The following DNAH1 variants were observed in gnomAD, a reference collection of about 807,000 sequenced individuals.
DNAH1 encodes the protein dynein axonemal heavy chain 1, also known as axonemal beta dynein heavy chain 1.
DNAH1 carries 327 observed loss-of-function variants against 484.3 expected under a neutral mutation model. That is an observed-to-expected ratio of 0.68 (90% confidence interval 0.62 to 0.74). The LOEUF (loss-of-function observed/expected upper bound fraction) is 0.74. Among genes scored for constraint, DNAH1 ranks in the 30% least tolerant of loss-of-function variants. DNAH1 has a pLI of 0.00. For missense variants in DNAH1, 5,052 were observed against 5,546.8 expected, an observed-to-expected ratio of 0.91 and a Z score of 2.83; for synonymous variants, 2,192 against 2,191.9, an observed-to-expected ratio of 1.00 and a Z score of 0.00.
rs1329410428 is a variant in DNAH1, at chr3:52,317,441, C to T, written c.-35+896C>T. Among the ~76,000 whole-genome samples the T allele has an allele frequency of 2.6e-5, 4 of 152,188 alleles. No homozygotes were observed. In the East Asian group the frequency reaches 7.7e-4, roughly 29 times the overall value. The stretch of plus-strand genomic sequence containing the variant: ...CAAGCCCCAGGAGAACCAGAACCCA[C>T]CTTTTCCTCAGTGCCCTGACCAGCT... On this transcript the variant is annotated intron_variant, in intron 1 of 77. Coordinates refer to ENST00000420323, the MANE Select transcript of DNAH1 (RefSeq NM_015512.5).
At position 52,393,328 on chromosome 3, in the gene DNAH1, C is replaced by G; in HGVS notation, c.10475-6C>G. On this transcript the variant is annotated splice_polypyrimidine_tract_variant and splice_region_variant and intron_variant, in intron 65 of 77. Coordinates refer to ENST00000420323, the MANE Select transcript of DNAH1 (RefSeq NM_015512.5). Reference sequence around the variant, plus strand: ...TCCGCGCTGCCATCACTTCTCCACTCCACAGACAACCTGAAGAAGCGCATC... The same window carrying G: ...TCCGCGCTGCCATCACTTCTCCACTGCACAGACAACCTGAAGAAGCGCATC... 6.2e-7 allele frequency: 1 copy of G among 1,613,910 alleles called. No individual in the cohort carries two copies. The highest frequency in any genetic ancestry group is 8.5e-7 in the Non-Finnish European group (1 of 1,179,810).
At chr3:52,366,020 G>A (rs1416818613) in intron 34 of DNAH1, among the ~76,000 whole-genome samples, 1 of 152,208 alleles carries the variant, frequency 6.6e-6, no homozygotes, top group Admixed American at 6.5e-5. Context: ...ACCCCTGTGG[G>A]CCTGGCTTCT....
Position 52,363,049 on chromosome 3 carries a change from A to C in DNAH1, c.5149A>C (p.Ile1717Leu). 1 of 1,613,906 alleles carries C rather than the reference A, an allele frequency of 6.2e-7. No homozygotes were observed. The highest frequency in any genetic ancestry group is 8.5e-7 in the Non-Finnish European group (1 of 1,179,844). The change falls in exon 32 of 78, where the codon ATC becomes CTC. Residue 1717 changes from isoleucine to leucine, a missense_variant. By Grantham distance (5) the Ile-to-Leu change is conservative. This residue lies in a region of DNAH1 where 2,929 missense variants were observed against 3,409.4 expected (regional missense o/e 0.86). Coordinates refer to ENST00000420323, the MANE Select transcript of DNAH1 (RefSeq NM_015512.5). ...TCCAGATTACGCCATGATCACTGAG[A>C]TCTCCCTCTATTCCTTTGGCTTTAA... The part of the protein sequence containing the change: ...MVPDYAMITE[I>L]SLYSFGFNEA...
chr3:52,374,917 C>T, intron 44 of DNAH1: 1 of 859,180 alleles, frequency 1.2e-6, no homozygotes, highest in Non-Finnish European at 1.9e-6. Context: ...TGAAAACGTC[C>T]AGGGTTACTT....
chr3:52,361,646 TC>T lies in DNAH1; in HGVS notation c.4875-13del. 4 of 1,589,512 alleles carry T rather than the reference TC, an allele frequency of 2.5e-6. 1 individual carries two copies. The highest frequency in any genetic ancestry group is 3.4e-6 in the Non-Finnish European group (4 of 1,168,204). On this transcript the variant is annotated splice_polypyrimidine_tract_variant and intron_variant, in intron 29 of 77. Coordinates refer to ENST00000420323, the MANE Select transcript of DNAH1 (RefSeq NM_015512.5). The surrounding 1 kb of genome is among the most constrained non-coding windows in gnomAD (Gnocchi z 5.6). ...TGAACACATGTGCCCCATCCAATGT[TC>T]CGGCCTCACTCAGTGCTGGGGCCTG...
Position 52,391,339 on chromosome 3 carries a change from A to G in DNAH1, c.9891+11A>G. On this transcript the variant is annotated intron_variant, in intron 62 of 77. Transcript: ENST00000420323. ...GTGCTGCTCAAGCAGGTGGGTCTGC[A>G]GTGGTGATGGCAGGGTGGCAGTAGG... 1 of 1,604,182 alleles carries G rather than the reference A, an allele frequency of 6.2e-7. No homozygotes were observed. Among genetic ancestry groups the G allele is most frequent in the South Asian group, 1.1e-5 (1 of 89,562 alleles).
chr3:52,343,518 G>T (rs1334655306), intron 8 of DNAH1, among the ~76,000 whole-genome samples: 2 of 152,108 alleles, frequency 1.3e-5, no homozygotes, highest in African/African-American at 4.8e-5. Flanking sequence ...AGGTGAGAGA[G>T]AGTCTTTTCC....
chr3:52,325,558 C>T (rs995234636), intron 3 of DNAH1, among the ~76,000 whole-genome samples: 2 of 152,226 alleles, frequency 1.3e-5, no homozygotes, highest in Non-Finnish European at 2.9e-5. Flanking sequence ...CAATGGGTCT[C>T]TCCCCACCAA....
chr3:52,347,289 G>A (rs934413453), intron 11 of DNAH1, among the ~76,000 whole-genome samples: 3 of 152,144 alleles, frequency 2.0e-5, no homozygotes, highest in Non-Finnish European at 4.4e-5. Flanking sequence ...TAGGCCTGGC[G>A]CAGTTGAGGA....
In DNAH1 at chr3:52,396,446, A is replaced by G. The variant is rs1578207026; in HGVS notation, c.11338A>G (p.Lys3780Glu). 6.3e-7 allele frequency: 1 copy of G among 1,596,280 alleles called. No homozygotes were observed. The highest frequency in any genetic ancestry group is 8.5e-7 in the Non-Finnish European group (1 of 1,171,888). The part of the protein sequence containing the change: ...FPVSILQNGS[K>E]MTIEPPRGVR... ...AGTGTCCATCCTGCAGAACGGCTCC[A>G]AGATGACCATTGAGCCGCCACGCGG... Residue 3780 changes from lysine (K) to glutamate (E), a missense_variant, in exon 71 of 78, where the codon AAG becomes GAG. Transcript: ENST00000420323.
At chr3:52,347,559 G>C (rs1242599696) in intron 11 of DNAH1, among the ~76,000 whole-genome samples, 2 of 152,178 alleles carry the variant, frequency 1.3e-5, no homozygotes, top group Non-Finnish European at 2.9e-5. Context: ...CAATGCCTAG[G>C]CCCTGGCAAC....
In DNAH1 at chr3:52,353,116, C is replaced by T; in HGVS notation, c.3041C>T (p.Ser1014Phe). The part of the protein sequence containing the change: ...SLPITNYDKL[S>F]RMVKEFQPYL... Reference sequence around the variant, plus strand: ...CTGTCCCTGCAGTATGACAAGCTCTCCAGGATGGTGAAGGAGTTCCAACCC... The same window carrying T: ...CTGTCCCTGCAGTATGACAAGCTCTTCAGGATGGTGAAGGAGTTCCAACCC... Residue 1014 changes from serine (S) to phenylalanine (F), a missense_variant, in exon 19 of 78, where the codon TCC becomes TTC. By Grantham distance (155) the Ser-to-Phe change is radical. Coordinates refer to ENST00000420323, the MANE Select transcript of DNAH1 (RefSeq NM_015512.5). This position sits in a 1 kb window ranked among gnomAD's most constrained non-coding sequence, Gnocchi z 5.0. 1 of 1,613,402 alleles carries T rather than the reference C, an allele frequency of 6.2e-7. No individual in the cohort carries two copies. Among genetic ancestry groups the T allele is most frequent in the Non-Finnish European group, 8.5e-7 (1 of 1,179,594 alleles).
intron 54 of DNAH1, 53 bp downstream of exon 54, chr3:52,385,500 A>AC: frequency 5.5e-6 from 8 of 1,461,638 alleles, no homozygotes; most frequent in Non-Finnish European, 7.5e-6. Context: ...GAAGCTCGGC[A>AC]CCCCCACACA....
intron 75 of DNAH1, 143 bp from the exon 76 acceptor site, chr3:52,398,707 T>A: frequency 1.5e-6 from 1 of 668,068 alleles, no homozygotes; most frequent in South Asian, 2.5e-5. Context: ...CTGGGATTTG[T>A]ACCCAGGCCA....
intron 8 of DNAH1, among the ~76,000 whole-genome samples, chr3:52,339,091 T>C (rs1305724244): frequency 3.3e-5 from 5 of 152,174 alleles, no homozygotes; most frequent in African/African-American, 1.2e-4. Context: ...TCCATTCTTT[T>C]GTTTTTCTTC....
chr3:52,366,395 A>T, intron 34 of DNAH1, 62 bp from the exon 35 acceptor site: 2 of 1,360,346 alleles, frequency 1.5e-6, no homozygotes, highest in Non-Finnish European at 1.0e-6. Context: ...CACACAAGTT[A>T]GTGGTGTGGC....
intron 51 of DNAH1, 23 bp downstream of exon 51, chr3:52,383,617 T>C: frequency 6.5e-7 from 1 of 1,543,526 alleles, no homozygotes; most frequent in Non-Finnish European, 8.8e-7. Flanking sequence ...GTCGCCAGGC[T>C]GCGCTGGGGC....
chr3:52,385,215 A>AT, intron 53 of DNAH1, 122 bp from the exon 54 acceptor site: 1 of 1,104,294 alleles, frequency 9.1e-7, no homozygotes, highest in Non-Finnish European at 1.3e-6. Flanking sequence ...CGGCTGGGCA[A>AT]TGTGGGGGCC....
chr3:52,369,802 C>T (rs1459487395), intron 37 of DNAH1, 23 bp from the exon 38 acceptor site: 1 of 1,586,194 alleles, frequency 6.3e-7, no homozygotes. Context: ...CCAGCCCACT[C>T]ATTTGGTTCG....
Sources: allele counts gnomAD v4.1 joint callset (sites outside exome capture counted in the v4.1 genomes callset), GRCh38; gene constraint gnomAD v4.1.1; regional missense constraint gnomAD v4.1.1; non-coding constraint Gnocchi (gnomAD v3.1); transcripts MANE v1.5; gene names NCBI Gene and HGNC (gene_info 2026-07-23, HGNC 2026-07-21).